LTBP1: variants seen among roughly 807,000 people sequenced by gnomAD.
The protein encoded by LTBP1 is latent transforming growth factor beta binding protein 1, also known as latent-transforming growth factor beta-binding protein 1.
LTBP1 carries 129 observed loss-of-function variants against 207.6 expected under a neutral mutation model. The observed-to-expected ratio is 0.62, with a 90% CI of 0.54 to 0.72. The LOEUF (loss-of-function observed/expected upper bound fraction) is 0.72, where lower values mean the gene tolerates loss of function less well. LTBP1 is among the 30% of genes least tolerant of loss of function. The probability of loss-of-function intolerance (pLI) is 0.00; values close to 1 mark genes in which losing one functional copy is unlikely to be tolerated. For missense variants in LTBP1, 2,281 were observed against 2,217.2 expected, an observed-to-expected ratio of 1.03 and a Z score of -0.58; for synonymous variants, 963 against 833.7, an observed-to-expected ratio of 1.16 and a Z score of -2.67.
intron 2 of LTBP1, among the ~76,000 whole-genome samples, chr2:32,973,034 TG>T (rs1233739960): frequency 6.6e-6 from 1 of 152,212 alleles, no homozygotes; most frequent in East Asian, 1.9e-4. Context: ...TTTTTGAATT[TG>T]TTGAGAATTG....
intron 3 of LTBP1, among the ~76,000 whole-genome samples, chr2:33,075,108 A>T (rs1181881771): frequency 6.6e-6 from 1 of 152,218 alleles, no homozygotes; most frequent in Non-Finnish European, 1.5e-5. Context: ...TTGTGGTGGT[A>T]AAATTTCAGA....
chr2:33,329,858 A>G (rs879688464), intron 24 of LTBP1, among the ~76,000 whole-genome samples: 2 of 152,014 alleles, frequency 1.3e-5, no homozygotes, highest in African/African-American at 2.4e-5. Context: ...TGTCACAGCT[A>G]TTCTTGGCCC....
chr2:33,254,304 A>AT (rs1427535845), intron 11 of LTBP1, among the ~76,000 whole-genome samples: 1 of 151,832 alleles, frequency 6.6e-6, no homozygotes, highest in Non-Finnish European at 1.5e-5. Context: ...TGTGTTTTTA[A>AT]TTTTTTTAAA....
intron 7 of LTBP1, among the ~76,000 whole-genome samples, chr2:33,189,447 C>T (rs755151607): frequency 6.6e-6 from 1 of 152,162 alleles, no homozygotes; most frequent in South Asian, 2.1e-4. Context: ...CTGCCTGCCT[C>T]GTCCTCCCAC....
chr2:33,378,697 A>G (rs936988760), intron 31 of LTBP1, among the ~76,000 whole-genome samples: 1 of 152,176 alleles, frequency 6.6e-6, no homozygotes, highest in African/African-American at 2.4e-5. Context: ...TTTGAATTCA[A>G]CTAACGTTTG....
chr2:33,140,403 T>C (rs2082546137), intron 5 of LTBP1, among the ~76,000 whole-genome samples: 2 of 152,172 alleles, frequency 1.3e-5, no homozygotes, highest in African/African-American at 2.4e-5. Context: ...CCAATGAAAA[T>C]GCCATCGTGT....
intron 5 of LTBP1, among the ~76,000 whole-genome samples, chr2:33,174,262 A>G (rs376948175): frequency 0.38 from 49,349 of 131,352 alleles, 8,849 homozygotes; most frequent in Non-Finnish European, 0.44. Flanking sequence ...AAACCCCATC[A>G]TCTCAGCCCA....
At chr2:33,080,538 T>C (rs1002357977) in intron 3 of LTBP1, among the ~76,000 whole-genome samples, 11 of 152,238 alleles carry the variant, frequency 7.2e-5, no homozygotes, top group African/African-American at 2.4e-4. Flanking sequence ...GCATTCATAT[T>C]ATTGTATATT....
chr2:33,090,125 C>T (rs527384525), intron 3 of LTBP1, among the ~76,000 whole-genome samples: 4 of 152,350 alleles, frequency 2.6e-5, no homozygotes, highest in African/African-American at 9.6e-5. Context: ...TTATTAATTT[C>T]TGCAGCAGAA....
intron 3 of LTBP1, among the ~76,000 whole-genome samples, chr2:33,021,954 A>G (rs931658955): frequency 5.3e-5 from 8 of 152,224 alleles, no homozygotes; most frequent in Admixed American, 1.3e-4. Context: ...TGTATGGATA[A>G]TAAGATGCAG....
At chr2:33,090,289 T>C (rs1356528810) in intron 3 of LTBP1, among the ~76,000 whole-genome samples, 2 of 152,218 alleles carry the variant, frequency 1.3e-5, no homozygotes. Flanking sequence ...TGGCCCTTTT[T>C]CCTGGACATT....
chr2:33,049,002 A>G (rs1015028735), intron 3 of LTBP1, among the ~76,000 whole-genome samples: 2 of 152,242 alleles, frequency 1.3e-5, no homozygotes, highest in Non-Finnish European at 2.9e-5. Flanking sequence ...GTTAATACTC[A>G]TAATCTGTCC....
intron 1 of LTBP1, among the ~76,000 whole-genome samples, chr2:32,948,298 G>A (rs1414264991): frequency 6.6e-6 from 1 of 152,198 alleles, no homozygotes; most frequent in East Asian, 1.9e-4. Context: ...CATGGGCTTG[G>A]ACTTCGCTGC....
rs565883489 is a variant in LTBP1 at position 33,275,790 on chromosome 2, G to A, written c.2870-11G>A. On this transcript the variant is annotated splice_polypyrimidine_tract_variant and intron_variant, in intron 17 of 33. Transcript: ENST00000404816. ...AACACAAAACTCAACAATGCTATCTGCTCTTCGTAGATGTTGACGAATGCC... is the reference window on the plus strand; with the variant it reads ...AACACAAAACTCAACAATGCTATCTACTCTTCGTAGATGTTGACGAATGCC... 6.2e-7 allele frequency: 1 copy of A among 1,613,982 alleles called. No individual in the cohort carries two copies. Among genetic ancestry groups the A allele is most frequent in the Admixed American group, 1.7e-5 (1 of 60,024 alleles).
chr2:33,181,760 G>A (rs1478805715), intron 5 of LTBP1, among the ~76,000 whole-genome samples: 1 of 152,146 alleles, frequency 6.6e-6, no homozygotes, highest in Non-Finnish European at 1.5e-5. Flanking sequence ...CGTACCACAA[G>A]CATCTCAAGT....
chr2:32,998,875 A>C (rs1299563261), intron 2 of LTBP1, among the ~76,000 whole-genome samples: 1 of 152,234 alleles, frequency 6.6e-6, no homozygotes, highest in Non-Finnish European at 1.5e-5. Flanking sequence ...ATCTGTAAGC[A>C]GTAAATTTCT....
intron 2 of LTBP1, among the ~76,000 whole-genome samples, chr2:32,973,582 C>T (rs529766769): frequency 5.9e-5 from 9 of 152,194 alleles, no homozygotes; most frequent in South Asian, 2.1e-4. Flanking sequence ...CCCTTATCTG[C>T]GTTACAAACA....
intron 3 of LTBP1, among the ~76,000 whole-genome samples, chr2:33,099,203 G>A (rs1179930408): frequency 2.0e-5 from 3 of 152,192 alleles, no homozygotes; most frequent in Non-Finnish European, 4.4e-5. Flanking sequence ...TGGAACAGAT[G>A]TTTGAATTTG....
At chr2:32,990,746 G>A (rs949817207) in intron 2 of LTBP1, among the ~76,000 whole-genome samples, 2 of 152,156 alleles carry the variant, frequency 1.3e-5, no homozygotes, top group Non-Finnish European at 2.9e-5. Flanking sequence ...TGTGTCATTA[G>A]TAATTTTTAT....
Sources: gnomAD v4.1 joint callset for allele counts (sites outside exome capture counted in the v4.1 genomes callset) on GRCh38, gnomAD v4.1.1 for gene constraint, MANE v1.5 for transcripts, NCBI Gene and HGNC (gene_info 2026-07-23, HGNC 2026-07-21) for gene names.